HECTD2: variants seen among roughly 807,000 people sequenced by gnomAD.
The protein encoded by HECTD2 is HECT domain E3 ubiquitin protein ligase 2.
HECTD2 carries 35 observed loss-of-function variants against 103.2 expected under a neutral mutation model. The ratio of observed to expected loss-of-function variants is 0.34; its 90% CI spans 0.26 to 0.45. The LOEUF (loss-of-function observed/expected upper bound fraction) is 0.45. Ranked by LOEUF, HECTD2 falls within the 20% of genes least tolerant of loss-of-function variation. The probability of loss-of-function intolerance (pLI) is 1.00; values close to 1 mark genes in which losing one functional copy is unlikely to be tolerated. For missense variants in HECTD2, 596 were observed against 937.4 expected (o/e 0.64, Z 4.76); for synonymous variants, 281 against 329.9 (o/e 0.85, Z 1.61).
At chr10:91,464,371 A>T (rs551047113) in intron 5 of HECTD2, among the ~76,000 whole-genome samples, 15 of 152,316 alleles carry the variant, frequency 9.8e-5, no homozygotes, top group Admixed American at 7.8e-4. Context: ...CAAGTAAAAA[A>T]TATTGCAGAT....
intron 6 of HECTD2, 48 bp from the exon 7 acceptor site, chr10:91,481,046 T>G: frequency 3.2e-5 from 37 of 1,152,776 alleles, no homozygotes; most frequent in Non-Finnish European, 4.0e-5. Context: ...TTAGATGCTA[T>G]GAGATTAAAC....
intron 5 of HECTD2, among the ~76,000 whole-genome samples, chr10:91,469,270 T>C (rs1845642319): frequency 6.6e-6 from 1 of 152,090 alleles, no homozygotes; most frequent in African/African-American, 2.4e-5. Flanking sequence ...CCCTGCAATA[T>C]GCAAGATGAC....
chr10:91,485,430 G>T, intron 10 of HECTD2, 127 bp downstream of exon 10: 1 of 611,772 alleles, frequency 1.6e-6, no homozygotes, highest in Non-Finnish European at 2.7e-6. Flanking sequence ...AGTTCAGATA[G>T]CCTTGAAATA....
intron 5 of HECTD2, among the ~76,000 whole-genome samples, chr10:91,466,964 G>A (rs549524936): frequency 4.1e-4 from 62 of 152,094 alleles, no homozygotes; most frequent in African/African-American, 1.5e-3. Flanking sequence ...GCAGCCAGGA[G>A]GAACATCTGC....
At chr10:91,461,391 T>G in intron 4 of HECTD2, 35 bp downstream of exon 4, 1 of 1,071,408 alleles carries the variant, frequency 9.3e-7, no homozygotes, top group East Asian at 2.6e-5. Context: ...TCATTTCACT[T>G]TTAGTTTTAA....
rs371297506 is a variant in HECTD2 at position 91,454,914 on chromosome 10, G to A, written c.269-5513G>A. Among the ~76,000 whole-genome samples, 172 of 152,122 alleles carry A rather than the reference G, an allele frequency of 1.1e-3. 6 individuals carry two copies. In the East Asian group the frequency reaches 0.03, roughly 27 times the overall value. On this transcript the variant is annotated intron_variant, in intron 2 of 20. Coordinates refer to ENST00000298068, the MANE Select transcript of HECTD2 (RefSeq NM_182765.6). ...GGACATGAACTCATCCTTTTTTATG[G>A]CTGCATAGTATTCCATGGTGTATAT...
chr10:91,415,193 AGTGT>A (rs397846279), intron 1 of HECTD2, among the ~76,000 whole-genome samples: 2,232 of 141,632 alleles, frequency 0.016, 30 homozygotes, highest in South Asian at 0.043. Context: ...AATTAGAGAA[AGTGT>A]GTGTGTGTGT....
At chr10:91,427,482 TC>T (rs1470162000) in intron 2 of HECTD2, among the ~76,000 whole-genome samples, 1 of 152,170 alleles carries the variant, frequency 6.6e-6, no homozygotes, top group Admixed American at 6.5e-5. Flanking sequence ...GTAAGAGTGT[TC>T]CTGTCTCACC....
At chr10:91,417,567 C>G (rs1409983669) in intron 1 of HECTD2, among the ~76,000 whole-genome samples, 1 of 151,926 alleles carries the variant, frequency 6.6e-6, no homozygotes, top group African/African-American at 2.4e-5. Flanking sequence ...TTCCTGTGTC[C>G]ATGTGTTCTC....
intron 2 of HECTD2, among the ~76,000 whole-genome samples, chr10:91,428,699 A>T (rs1843692540): frequency 6.6e-6 from 1 of 151,742 alleles, no homozygotes; most frequent in African/African-American, 2.4e-5. Flanking sequence ...GGTGTATAAG[A>T]ATGCTTGTGA....
intron 1 of HECTD2, among the ~76,000 whole-genome samples, chr10:91,415,193 A>T (rs1843071604): frequency 1.4e-5 from 2 of 141,624 alleles, no homozygotes; most frequent in Admixed American, 7.0e-5. Flanking sequence ...AATTAGAGAA[A>T]GTGTGTGTGT....
chr10:91,479,355 T>C (rs976040841), intron 6 of HECTD2, among the ~76,000 whole-genome samples: 2 of 152,178 alleles, frequency 1.3e-5, no homozygotes, highest in East Asian at 1.9e-4. Context: ...TCAGAATCAA[T>C]AGAGTGAGAC....
intron 3 of HECTD2, 95 bp from the exon 4 acceptor site, chr10:91,461,159 T>C: frequency 1.7e-6 from 1 of 594,688 alleles, no homozygotes; most frequent in South Asian, 2.5e-5. Context: ...GGCTTCAGTA[T>C]TTTGTATTGC....
chr10:91,426,099 G>A (rs1315548541), intron 2 of HECTD2, among the ~76,000 whole-genome samples: 1 of 152,012 alleles, frequency 6.6e-6, no homozygotes, highest in Non-Finnish European at 1.5e-5. Context: ...ATTATAGGTA[G>A]AATATGAATC....
chr10:91,417,697 A>G (rs944606036), intron 1 of HECTD2, among the ~76,000 whole-genome samples: 22 of 151,988 alleles, frequency 1.4e-4, no homozygotes, highest in African/African-American at 5.3e-4. Context: ...ACATGAACTC[A>G]TCATTTTTTA....
intron 14 of HECTD2, among the ~76,000 whole-genome samples, chr10:91,495,576 T>C (rs1343042388): frequency 6.6e-6 from 1 of 152,096 alleles, no homozygotes; most frequent in Non-Finnish European, 1.5e-5. Flanking sequence ...CATAAATGGA[T>C]AAGTTACATT....
intron 1 of HECTD2, 22 bp from the exon 2 acceptor site, chr10:91,425,259 A>G (rs759235217): frequency 2.7e-6 from 4 of 1,457,252 alleles, no homozygotes; most frequent in South Asian, 3.1e-5. Context: ...GTATACTGCA[A>G]TGTTAACTTT....
intron 2 of HECTD2, among the ~76,000 whole-genome samples, chr10:91,438,238 C>T (rs1337965866): frequency 1.3e-5 from 2 of 152,100 alleles, no homozygotes; most frequent in African/African-American, 4.8e-5. Flanking sequence ...CCCTAGTCCC[C>T]CACTCACTGA....
chr10:91,489,192 G>A (rs1846373564), intron 11 of HECTD2: 1 of 152,174 alleles, frequency 6.6e-6, no homozygotes, highest in Non-Finnish European at 1.5e-5. Context: ...AATGGCAGGT[G>A]TAGACTCTGT....
Sources: allele counts gnomAD v4.1 joint callset (sites outside exome capture counted in the v4.1 genomes callset), GRCh38; gene constraint gnomAD v4.1.1; transcripts MANE v1.5; gene names NCBI Gene and HGNC (gene_info 2026-07-23, HGNC 2026-07-21).